UGT2A2: variants seen among roughly 807,000 people sequenced by gnomAD.
UGT2A2 encodes the protein UDP-glucuronosyltransferase 2A2.
A neutral mutation model predicts 50.7 loss-of-function variants in UGT2A2; 60 were observed. That is an observed-to-expected ratio of 1.18 (90% CI 0.96 to 1.47). UGT2A2 has a LOEUF of 1.47. UGT2A2 is among the 40% of genes most tolerant of loss of function. UGT2A2 has a pLI of 0.00. For synonymous variants in UGT2A2, 242 were observed against 214.6 expected, an observed-to-expected ratio of 1.13 and a Z score of -1.11; for missense variants, 762 against 634.0, an observed-to-expected ratio of 1.20 and a Z score of -2.17.
rs1219642432 is a variant in UGT2A2, at chr4:69,627,596, A to AG, written c.742+11302dup. ...AAAGAGAGAAAGAAAAAAAGAAGAA[A>AG]GAAAAGAAAGAAAGAAAGAGAAGAA... On this transcript the variant is annotated intron_variant, in intron 1 of 5. Transcript: ENST00000604629. 9.0e-3 allele frequency among the ~76,000 whole-genome samples: 1,248 copies of AG among 138,892 alleles called. 9 individuals are homozygous for AG. Among genetic ancestry groups the AG allele is most frequent in the African/African-American group, 0.031 (1,165 of 37,764 alleles). The allele number at this position is 138,892 out of a possible 152,430, so 91.1% of individuals were successfully genotyped here.
intron 1 of UGT2A2, among the ~76,000 whole-genome samples, chr4:69,635,307 TG>T (rs1166585706): frequency 6.6e-6 from 1 of 152,162 alleles, no homozygotes; most frequent in African/African-American, 2.4e-5. Flanking sequence ...CTGGGCTTTC[TG>T]CTCTCCCGAT....
intron 1 of UGT2A2, among the ~76,000 whole-genome samples, chr4:69,607,363 C>G (rs1163602375): frequency 6.6e-6 from 1 of 151,336 alleles, no homozygotes; most frequent in African/African-American, 2.4e-5. Flanking sequence ...ACTGGCTAGC[C>G]ATATGTAGAA....
chr4:69,614,765 A>G (rs1158624735), intron 1 of UGT2A2, among the ~76,000 whole-genome samples: 2 of 152,078 alleles, frequency 1.3e-5, no homozygotes, highest in Non-Finnish European at 2.9e-5. Flanking sequence ...ATCTATATGT[A>G]GAACAATGAA....
intron 5 of UGT2A2, among the ~76,000 whole-genome samples, chr4:69,593,547 T>G (rs2109877484): frequency 6.7e-6 from 1 of 149,860 alleles, no homozygotes; most frequent in African/African-American, 2.4e-5. Flanking sequence ...TCTACTAAGC[T>G]ATATATATAG....
intron 1 of UGT2A2, among the ~76,000 whole-genome samples, chr4:69,637,434 ATCAAGTTAGTTTATGAGTAT>A (rs1423040568): frequency 1.3e-5 from 2 of 152,144 alleles, no homozygotes; most frequent in African/African-American, 4.8e-5. Context: ...TAAGAGTAAG[ATCAAGTTAGTTTATGAGTAT>A]TCAAGTTAGT....
chr4:69,602,336 T>C (rs1370670816), intron 1 of UGT2A2, among the ~76,000 whole-genome samples: 1 of 137,384 alleles, frequency 7.3e-6, no homozygotes, highest in East Asian at 2.0e-4. Context: ...TATGTTAAAA[T>C]AGTAAGAGCA....
intron 1 of UGT2A2, among the ~76,000 whole-genome samples, chr4:69,616,303 A>G (rs1013461534): frequency 1.3e-5 from 2 of 151,994 alleles, no homozygotes; most frequent in East Asian, 1.9e-4. Context: ...GAATGAAAAA[A>G]TCTAGTGTTT....
intron 5 of UGT2A2, among the ~76,000 whole-genome samples, chr4:69,589,983 G>A (rs193220421): frequency 2.0e-5 from 3 of 152,218 alleles, no homozygotes; most frequent in Admixed American, 1.3e-4. Flanking sequence ...TACCAAGATG[G>A]TACATAACCT....
chr4:69,594,846 A>C, intron 4 of UGT2A2, 150 bp from the exon 5 acceptor site: 1 of 1,064,794 alleles, frequency 9.4e-7, no homozygotes. Flanking sequence ...TTGGAATGTC[A>C]GAAAACTGTG....
intron 5 of UGT2A2, among the ~76,000 whole-genome samples, chr4:69,593,411 T>C (rs149240236): frequency 7.2e-5 from 11 of 151,990 alleles, no homozygotes; most frequent in Admixed American, 2.6e-4. Context: ...AGTTCAACTA[T>C]AAGTAGCTAA....
intron 1 of UGT2A2, among the ~76,000 whole-genome samples, chr4:69,627,281 C>A (rs1721114203): frequency 6.6e-6 from 1 of 151,660 alleles, no homozygotes; most frequent in South Asian, 2.1e-4. Context: ...TAAAAAAAAT[C>A]AAATCCACTG....
chr4:69,639,192 T>G lies in UGT2A2; in HGVS notation c.449A>C (p.Lys150Thr). The change falls in exon 1 of 6, where the codon AAA (lysine) becomes ACA (threonine). Residue 150 changes from lysine to threonine, a missense_variant. By Grantham distance (78) the Lys-to-Thr change is moderately conservative (BLOSUM62 -1). Coordinates refer to ENST00000604629, the MANE Select transcript of UGT2A2 (RefSeq NM_001105677.2). Reference sequence around the variant, plus strand: ...TGCTACCAACACATCAAAACCACCTTTCTGAAGTCTTGCCATCAACTTTGG... The same window carrying G: ...TGCTACCAACACATCAAAACCACCTGTCTGAAGTCTTGCCATCAACTTTGG... ...KNPKLMARLQ[K>T]GGFDVLVADP... 1 of 1,613,698 alleles carries G rather than the reference T, an allele frequency of 6.2e-7. No homozygotes were observed. Among genetic ancestry groups the G allele is most frequent in the South Asian group, 1.1e-5 (1 of 91,028 alleles).
chr4:69,595,136 C>T, intron 4 of UGT2A2, 26 bp downstream of exon 4: 3 of 1,613,006 alleles, frequency 1.9e-6, no homozygotes, highest in East Asian at 2.2e-5. Context: ...TCCCACTGTA[C>T]AGCTTTTCTT....
intron 1 of UGT2A2, 161 bp from the exon 2 acceptor site, chr4:69,599,555 A>G: frequency 9.4e-7 from 1 of 1,065,314 alleles, no homozygotes; most frequent in East Asian, 3.0e-5. Context: ...AGGAGAAATT[A>G]AAGAGGATGG....
At chr4:69,625,164 TC>T (rs1465279877) in intron 1 of UGT2A2, among the ~76,000 whole-genome samples, 1 of 128,808 alleles carries the variant, frequency 7.8e-6, no homozygotes, top group Non-Finnish European at 1.7e-5. Context: ...CTGTTTTCAT[TC>T]TTTTTTTTTC....
intron 1 of UGT2A2, among the ~76,000 whole-genome samples, chr4:69,632,769 T>C (rs1721457222): frequency 6.6e-6 from 1 of 151,334 alleles, no homozygotes. Flanking sequence ...GCTCCTGTAA[T>C]CCCAGCTACT....
chr4:69,637,157 A>G (rs761181874), intron 1 of UGT2A2, among the ~76,000 whole-genome samples: 1 of 152,186 alleles, frequency 6.6e-6, no homozygotes, highest in Non-Finnish European at 1.5e-5. Context: ...TTTGAAAGCC[A>G]GAAAAAAAGA....
At position 69,594,525 on chromosome 4, in the gene UGT2A2, G is replaced by C; in HGVS notation, c.1283C>G (p.Thr428Arg). The C allele has an allele frequency of 1.9e-6, 3 of 1,614,164 alleles. No individual in the cohort carries two copies. Among genetic ancestry groups the C allele is most frequent in the Non-Finnish European group, 1.7e-6 (2 of 1,180,028 alleles). Residue 428 changes from threonine to arginine, a missense_variant, in exon 5 of 6, where the codon ACA becomes AGA. By Grantham distance (71) the Thr-to-Arg change is moderately conservative (BLOSUM62 -1). Transcript: ENST00000604629. ...CAAAGCGCTAAGCAAATCCACACTT[G>C]TCATTGTGTTTAGGTTCACTTCCAC... ...AAVEVNLNTM[T>R]SVDLLSALRT...
chr4:69,593,559 CTT>C (rs146456619), intron 5 of UGT2A2, among the ~76,000 whole-genome samples: 12,188 of 151,012 alleles, frequency 0.081, 646 homozygotes, highest in Non-Finnish European at 0.12. Flanking sequence ...TATATATAGA[CTT>C]ATATATATAA....
Sources: allele counts gnomAD v4.1 joint callset (sites outside exome capture counted in the v4.1 genomes callset), GRCh38; gene constraint gnomAD v4.1.1; transcripts MANE v1.5; gene names NCBI Gene and HGNC (gene_info 2026-07-23, HGNC 2026-07-21).